The following ANKH variants were observed in gnomAD, a reference collection of about 807,000 sequenced individuals.
ANKH encodes the protein mineralization regulator ANKH.
ANKH carries 15 observed loss-of-function variants against 49.0 expected under a neutral mutation model. The ratio of observed to expected loss-of-function variants is 0.31; its 90% CI spans 0.20 to 0.47. The LOEUF (loss-of-function observed/expected upper bound fraction) is 0.47, where lower values mean the gene tolerates loss of function less well. Ranked by LOEUF, ANKH falls within the 20% of genes least tolerant of loss-of-function variation. The probability of loss-of-function intolerance (pLI) is 1.00; values close to 1 mark genes in which losing one functional copy is unlikely to be tolerated. For missense variants in ANKH, 429 were observed against 652.0 expected (o/e 0.66, Z 3.72); for synonymous variants, 273 against 260.0 (o/e 1.05, Z -0.48).
At position 14,709,718 on chromosome 5, in the gene ANKH, A is replaced by C. The variant is rs1737086296; in HGVS notation, c.*1479T>G. On this transcript the variant is annotated 3_prime_UTR_variant, in exon 12 of 12. Coordinates refer to ENST00000284268, the MANE Select transcript of ANKH (RefSeq NM_054027.6). ...TTACTGAGCCTTACATTCAAATGCA[A>C]ATGACGGACTTTATAAAACTGCTGC... 6.6e-6 allele frequency: 1 copy of C among 152,660 alleles called. No individual in the cohort carries two copies. Among genetic ancestry groups the C allele is most frequent in the African/African-American group, 2.4e-5 (1 of 41,452 alleles). 9.5% of individuals were successfully genotyped at this position (152,660 alleles called of 1,614,324 possible).
At chr5:14,781,974 T>C (rs997247388) in intron 1 of ANKH, among the ~76,000 whole-genome samples, 2 of 152,130 alleles carry the variant, frequency 1.3e-5, no homozygotes, top group South Asian at 4.2e-4. Flanking sequence ...GGGAGTCTTT[T>C]AACCAACTCT....
intron 8 of ANKH, among the ~76,000 whole-genome samples, chr5:14,721,748 G>A (rs961176201): frequency 8.6e-5 from 13 of 151,902 alleles, no homozygotes; most frequent in South Asian, 2.1e-4. Flanking sequence ...GGCTAACACG[G>A]TGAAACCCCA....
chr5:14,824,839 C>T (rs1416082733), intron 1 of ANKH, among the ~76,000 whole-genome samples: 2 of 152,126 alleles, frequency 1.3e-5, no homozygotes, highest in Non-Finnish European at 2.9e-5. Context: ...TGGTTACACG[C>T]CCCAAAAGGT....
intron 6 of ANKH, among the ~76,000 whole-genome samples, 175 bp from the exon 7 acceptor site, chr5:14,746,137 C>G (rs1738530104): frequency 6.6e-6 from 1 of 152,068 alleles, no homozygotes; most frequent in Non-Finnish European, 1.5e-5. Flanking sequence ...GAACTGACAG[C>G]AAATTGGGCT....
intron 8 of ANKH, 191 bp from the exon 9 acceptor site, chr5:14,717,026 A>C: frequency 1.5e-6 from 1 of 655,464 alleles, no homozygotes; most frequent in South Asian, 1.7e-5. Context: ...GCCCTGGTCC[A>C]TTAGCCATGT....
rs985833920 is a variant in ANKH at position 14,725,902 on chromosome 5, C to T, written c.1012-9067G>A. On this transcript the variant is annotated intron_variant, in intron 8 of 11. Transcript: ENST00000284268. The surrounding 1 kb of genome is among the most constrained non-coding windows in gnomAD (Gnocchi z 4.0). ...CTGGGACTACAGGTACGTGCCACCA[C>T]GCCCAGCTAATTTTTGTATTTTTAG... Among the ~76,000 whole-genome samples the T allele has an allele frequency of 4.6e-5, 7 of 152,168 alleles. No individual in the cohort carries two copies. Among genetic ancestry groups the T allele is most frequent in the African/African-American group, 7.2e-5 (3 of 41,434 alleles).
At chr5:14,761,784 G>A (rs994498927) in intron 2 of ANKH, among the ~76,000 whole-genome samples, 1 of 145,490 alleles carries the variant, frequency 6.9e-6, no homozygotes, top group Non-Finnish European at 1.5e-5. Context: ...TTTCCTTTGA[G>A]ACAGAGTCTC....
intron 1 of ANKH, among the ~76,000 whole-genome samples, chr5:14,835,445 C>T (rs1053946582): frequency 5.3e-5 from 8 of 152,100 alleles, no homozygotes; most frequent in Admixed American, 4.6e-4. Context: ...GTAATCAGGC[C>T]CTTCATCTTT....
intron 1 of ANKH, among the ~76,000 whole-genome samples, chr5:14,866,895 G>A (rs1365353651): frequency 6.6e-6 from 1 of 152,116 alleles, no homozygotes; most frequent in East Asian, 1.9e-4. Context: ...ATACAGGCCA[G>A]ATGTGGTGGC....
chr5:14,803,138 G>A (rs1287835924), intron 1 of ANKH, among the ~76,000 whole-genome samples: 5 of 152,180 alleles, frequency 3.3e-5, no homozygotes, highest in Admixed American at 1.3e-4. Flanking sequence ...TGTGCATACT[G>A]GGCTGCAATG....
intron 1 of ANKH, among the ~76,000 whole-genome samples, chr5:14,805,964 G>A (rs1397845105): frequency 2.0e-5 from 3 of 152,174 alleles, no homozygotes; most frequent in East Asian, 1.9e-4. Context: ...GGTGTTTTGA[G>A]GCGATACATA....
chr5:14,797,535 A>T lies in ANKH; in HGVS notation c.97-28344T>A, dbSNP rs987977042. ...AGTCTTGTCAGCTGATCCTGTGGCA[A>T]GAATGAACTCACTATAAGGACTGAA... On this transcript the variant is annotated intron_variant, in intron 1 of 11. Transcript: ENST00000284268. The T allele has an allele frequency of 4.3e-6, 7 of 1,611,054 alleles. No homozygotes were observed. In the African/African-American group the frequency reaches 5.3e-5, roughly 12 times the overall value.
Position 14,769,178 on chromosome 5 carries a change from C to G in ANKH, c.110G>C (p.Gly37Ala). The G allele has an allele frequency of 1.9e-6, 3 of 1,613,646 alleles. No individual in the cohort carries two copies. The South Asian group carries it at 3.3e-5, about 18-fold the overall frequency. ...IDFGEQALNR[G>A]IAAVKEDAVE... Reference sequence around the variant, plus strand: ...TGCATCCTCCTTGACAGCAGCAATGCCCCGGTTCAAGGCCTGGGAAGGGGG... The same window carrying G: ...TGCATCCTCCTTGACAGCAGCAATGGCCCGGTTCAAGGCCTGGGAAGGGGG... The change falls in exon 2 of 12, where the codon GGC becomes GCC. Residue 37 changes from glycine to alanine, a missense_variant. This residue lies in a region of ANKH where 378 missense variants were observed against 615.3 expected (regional missense o/e 0.61). Transcript: ENST00000284268.
chr5:14,708,730 C>G lies in ANKH; in HGVS notation c.*2467G>C, dbSNP rs746698092. ...TTGAACAAGTCCTGCCAAATCAGCT[C>G]CATTGTGGTGGCCTGAGTGTGGCAT... On this transcript the variant is annotated 3_prime_UTR_variant, in exon 12 of 12. Coordinates refer to ENST00000284268, the MANE Select transcript of ANKH (RefSeq NM_054027.6). 1.7e-4 allele frequency: 26 copies of G among 152,322 alleles called. No homozygotes were observed. The highest frequency in any genetic ancestry group is 4.1e-4 in the South Asian group (2 of 4,822). 9.4% of individuals were successfully genotyped at this position (152,322 alleles called of 1,614,324 possible).
chr5:14,740,156 G>A (rs764740798), intron 8 of ANKH, among the ~76,000 whole-genome samples: 2 of 152,116 alleles, frequency 1.3e-5, no homozygotes, highest in African/African-American at 4.8e-5. Flanking sequence ...TTTCTGGACC[G>A]CAGAGCCAGC....
At chr5:14,765,536 T>C (rs1276136626) in intron 2 of ANKH, among the ~76,000 whole-genome samples, 3 of 152,070 alleles carry the variant, frequency 2.0e-5, no homozygotes, top group African/African-American at 7.2e-5. Context: ...CCCAGCCTTG[T>C]CTGGGGAAAT....
rs143806971 is a variant in ANKH, at chr5:14,713,988, C to T, written c.1142-321G>A. On this transcript the variant is annotated intron_variant, in intron 9 of 11. Coordinates refer to ENST00000284268, the MANE Select transcript of ANKH (RefSeq NM_054027.6). This position sits in a 1 kb window ranked among gnomAD's most constrained non-coding sequence, Gnocchi z 4.4. ...TCCTGTCCCCACACTTGGCCAGCCT[C>T]GCCCTCTGATCATCTACCTCTAGAA... Among the ~76,000 whole-genome samples the T allele has an allele frequency of 4.5e-3, 680 of 152,366 alleles. 3 individuals carry two copies. The highest frequency in any genetic ancestry group is 0.015 in the African/African-American group (635 of 41,594).
intron 1 of ANKH, among the ~76,000 whole-genome samples, chr5:14,815,746 G>C (rs115068888): frequency 1.1e-4 from 17 of 152,330 alleles, no homozygotes; most frequent in South Asian, 4.2e-4. Flanking sequence ...CAGGGGCCAT[G>C]AGCCACACAG....
chr5:14,797,089 G>A (rs1580075972), intron 1 of ANKH: 8 of 1,354,816 alleles, frequency 5.9e-6, no homozygotes, highest in Admixed American at 1.8e-5. Flanking sequence ...GAAGAAAAAA[G>A]GGGAGTCTAA....
Sources: allele counts gnomAD v4.1 joint callset (sites outside exome capture counted in the v4.1 genomes callset), GRCh38; gene constraint gnomAD v4.1.1; regional missense constraint gnomAD v4.1.1; non-coding constraint Gnocchi (gnomAD v3.1); transcripts MANE v1.5; gene names NCBI Gene and HGNC (gene_info 2026-07-23, HGNC 2026-07-21).